The following LIMCH1 variants were observed in gnomAD, a reference collection of about 807,000 sequenced individuals.
LIMCH1 encodes the protein LIM and calponin homology domains-containing protein 1.
In LIMCH1, 113 loss-of-function variants were observed where a neutral mutation model predicts 176.5. The ratio of observed to expected loss-of-function variants is 0.64; its 90% CI spans 0.55 to 0.75. LIMCH1 has a LOEUF of 0.75. Ranked by LOEUF, LIMCH1 falls within the 30% of genes least tolerant of loss-of-function variation. LIMCH1 has a pLI of 0.00. For missense variants in LIMCH1, 1,674 were observed against 1,814.9 expected (o/e 0.92, Z 1.41); for synonymous variants, 619 against 645.9 (o/e 0.96, Z 0.63).
intron 4 of LIMCH1, chr4:41,612,571 T>G (rs1561916833): frequency 1.4e-6 from 1 of 702,626 alleles, no homozygotes. Flanking sequence ...GCTAAGACAC[T>G]GGCGGGAACA....
intron 1 of LIMCH1, among the ~76,000 whole-genome samples, chr4:41,372,539 A>G (rs1357131596): frequency 6.6e-6 from 1 of 152,214 alleles, no homozygotes; most frequent in Non-Finnish European, 1.5e-5. Flanking sequence ...ACAGATGCAT[A>G]CATAAAACAA....
At chr4:41,578,655 C>A (rs752131000) in intron 1 of LIMCH1, among the ~76,000 whole-genome samples, 4 of 151,658 alleles carry the variant, frequency 2.6e-5, no homozygotes, top group Non-Finnish European at 5.9e-5. Flanking sequence ...GCCAAATTTC[C>A]CCCCACACAT....
In LIMCH1 at chr4:41,553,601, G is replaced by A. The variant is rs147286485; in HGVS notation, c.-241+15251G>A. ...AATCCCTGTGTACCTGGTAAAGGACGTGGGATCCCTCTTCATGGTGATTAA... is the reference window on the plus strand; with the variant it reads ...AATCCCTGTGTACCTGGTAAAGGACATGGGATCCCTCTTCATGGTGATTAA... On this transcript the variant is annotated intron_variant, in intron 1 of 31. Coordinates refer to ENST00000503057, the MANE Select transcript of LIMCH1 (RefSeq NM_001330672.2). 9.0e-4 allele frequency among the ~76,000 whole-genome samples: 137 copies of A among 152,242 alleles called. 1 individual carries two copies. Among genetic ancestry groups the A allele is most frequent in the African/African-American group, 3.0e-3 (125 of 41,546 alleles).
intron 2 of LIMCH1, among the ~76,000 whole-genome samples, chr4:41,521,036 T>C (rs2076070110): frequency 6.6e-6 from 1 of 152,208 alleles, no homozygotes; most frequent in Admixed American, 6.5e-5. Context: ...TTGGATCCTA[T>C]GTGTCTTATA....
chr4:41,464,846 A>G (rs945048187), intron 1 of LIMCH1, among the ~76,000 whole-genome samples: 1 of 152,204 alleles, frequency 6.6e-6, no homozygotes, highest in Non-Finnish European at 1.5e-5. Context: ...TGTGTGGAGC[A>G]CAGAGTCTTT....
chr4:41,472,399 C>T (rs951427028), intron 1 of LIMCH1, among the ~76,000 whole-genome samples: 1 of 145,370 alleles, frequency 6.9e-6, no homozygotes, highest in Non-Finnish European at 1.5e-5. Context: ...ATTCCTCTCT[C>T]TCTCTCTTTC....
At chr4:41,462,385 T>C (rs1234802858) in intron 1 of LIMCH1, among the ~76,000 whole-genome samples, 1 of 152,188 alleles carries the variant, frequency 6.6e-6, no homozygotes, top group Non-Finnish European at 1.5e-5. Flanking sequence ...TCATTGGTAA[T>C]GTAACTTCTT....
At chr4:41,557,498 T>G (rs552329468) in intron 1 of LIMCH1, among the ~76,000 whole-genome samples, 1 of 151,932 alleles carries the variant, frequency 6.6e-6, no homozygotes, top group Non-Finnish European at 1.5e-5. Flanking sequence ...TAGATCTAAA[T>G]CAAGCAAAGA....
chr4:41,554,928 G>A (rs1369603059), intron 1 of LIMCH1, among the ~76,000 whole-genome samples: 1 of 152,188 alleles, frequency 6.6e-6, no homozygotes, highest in South Asian at 2.1e-4. Context: ...ACTTGCAGAA[G>A]GGTAGGGTGG....
At chr4:41,671,032 T>C in intron 21 of LIMCH1, 2 of 945,872 alleles carry the variant, frequency 2.1e-6, no homozygotes, top group Non-Finnish European at 2.5e-6. Context: ...ATAATATTCA[T>C]CATTTTCTTG....
chr4:41,687,210 G>A (rs1038474345), intron 28 of LIMCH1, among the ~76,000 whole-genome samples: 1 of 152,172 alleles, frequency 6.6e-6, no homozygotes, highest in African/African-American at 2.4e-5. Flanking sequence ...CAGAGCTGAT[G>A]GCTTAATCAC....
At chr4:41,586,005 T>TTTCTC (rs71198670) in intron 1 of LIMCH1, among the ~76,000 whole-genome samples, 47,397 of 148,026 alleles carry the variant, frequency 0.32, 11,905 homozygotes, top group African/African-American at 0.71. Flanking sequence ...TCTGTCTTCT[T>TTTCTC]TTCTCTTCTC....
At chr4:41,392,056 C>A (rs983208906) in intron 1 of LIMCH1, among the ~76,000 whole-genome samples, 6 of 152,054 alleles carry the variant, frequency 3.9e-5, no homozygotes, top group African/African-American at 9.7e-5. Flanking sequence ...TGAATGAGAA[C>A]CATGTGATAC....
intron 1 of LIMCH1, among the ~76,000 whole-genome samples, chr4:41,408,406 G>C (rs1298581721): frequency 2.6e-5 from 4 of 152,186 alleles, no homozygotes; most frequent in Non-Finnish European, 5.9e-5. Flanking sequence ...ACTCCACTGT[G>C]AATGTGTTGG....
At chr4:41,570,640 T>G (rs1036036848) in intron 1 of LIMCH1, among the ~76,000 whole-genome samples, 2 of 152,302 alleles carry the variant, frequency 1.3e-5, no homozygotes, top group African/African-American at 4.8e-5. Flanking sequence ...GCTCCGAACA[T>G]TTTGTGGCAA....
intron 3 of LIMCH1, among the ~76,000 whole-genome samples, chr4:41,528,191 A>G (rs1024435536): frequency 1.3e-5 from 2 of 152,152 alleles, no homozygotes; most frequent in Admixed American, 6.5e-5. Context: ...ATATAATTTC[A>G]TATACACATA....
chr4:41,465,643 C>T (rs144146410), intron 1 of LIMCH1, among the ~76,000 whole-genome samples: 24 of 152,342 alleles, frequency 1.6e-4, no homozygotes, highest in African/African-American at 5.5e-4. Context: ...GGTTTTCCTC[C>T]TCCAGTTTTT....
intron 1 of LIMCH1, among the ~76,000 whole-genome samples, chr4:41,464,817 C>G (rs1023895216): frequency 6.6e-6 from 1 of 152,208 alleles, no homozygotes; most frequent in South Asian, 2.1e-4. Context: ...CCACAAGCTT[C>G]CTCAAACCTT....
At chr4:41,422,687 G>C (rs1172048036) in intron 1 of LIMCH1, among the ~76,000 whole-genome samples, 1 of 152,184 alleles carries the variant, frequency 6.6e-6, no homozygotes, top group Non-Finnish European at 1.5e-5. Context: ...AAGCTGTTTA[G>C]CTTGTGTGGC....
Sources: allele counts gnomAD v4.1 joint callset (sites outside exome capture counted in the v4.1 genomes callset), GRCh38; gene constraint gnomAD v4.1.1; transcripts MANE v1.5; gene names NCBI Gene and HGNC (gene_info 2026-07-23, HGNC 2026-07-21).